Variants in SLC26A11 observed in about 807,000 individuals in gnomAD.
The protein encoded by SLC26A11 is sodium-independent sulfate anion transporter.
In SLC26A11, 58 loss-of-function variants were observed where a neutral mutation model predicts 62.2. That is an observed-to-expected ratio of 0.93 (90% CI 0.76 to 1.16). The LOEUF (loss-of-function observed/expected upper bound fraction) is 1.16, where lower values mean the gene tolerates loss of function less well. Among genes scored for constraint, SLC26A11 ranks in the 50% most tolerant of loss-of-function variants. The pLI is 0.00. For missense variants in SLC26A11, 790 were observed against 794.3 expected (o/e 0.99, Z 0.06); for synonymous variants, 411 against 368.9 (o/e 1.11, Z -1.31).
Position 80,227,864 on chromosome 17 carries a change from G to C in SLC26A11, c.640G>C (p.Val214Leu), listed in dbSNP as rs1485992368. 1 of 1,603,120 alleles carries C rather than the reference G, an allele frequency of 6.2e-7. No homozygotes were observed. The highest frequency in any genetic ancestry group is 1.3e-5 in the African/African-American group (1 of 75,024). Reference protein sequence around the residue: ...LGLVCMLLLLVLKLMRDHVPP... With the variant: ...LGLVCMLLLLLLKLMRDHVPP... ...GCTGGTCTGCATGCTGCTGCTGCTG[G>C]TGCTGAAGCTGATGCGGGACCACGT... Residue 214 changes from valine (V) to leucine (L), a missense_variant, in exon 7 of 18, where the codon GTG (valine) becomes CTG (leucine). Physicochemically the swap from Val to Leu is conservative, Grantham distance 32. Coordinates refer to ENST00000361193, the MANE Select transcript of SLC26A11 (RefSeq NM_001166347.2).
chr17:80,240,298 C>T (rs1028269726), intron 9 of SLC26A11, among the ~76,000 whole-genome samples: 119 of 152,054 alleles, frequency 7.8e-4, no homozygotes, highest in African/African-American at 2.7e-3. Flanking sequence ...ACCCGGGAGG[C>T]GGAGCTTGCA....
intron 10 of SLC26A11, among the ~76,000 whole-genome samples, chr17:80,242,533 C>T (rs1235613863): frequency 6.6e-6 from 1 of 152,184 alleles, no homozygotes; most frequent in Admixed American, 6.5e-5. Context: ...TCTGATTGTG[C>T]CCGCACCCTG....
At chr17:80,242,475 C>T (rs977698509) in intron 10 of SLC26A11, among the ~76,000 whole-genome samples, 5 of 152,046 alleles carry the variant, frequency 3.3e-5, no homozygotes, top group East Asian at 1.9e-4. Context: ...CACCTAGTGC[C>T]GGGGGTCAAG....
Position 80,241,829 on chromosome 17 carries a change from C to G in SLC26A11, c.1036+8C>G. On this transcript the variant is annotated splice_region_variant and intron_variant, in intron 10 of 17. Coordinates refer to ENST00000361193, the MANE Select transcript of SLC26A11 (RefSeq NM_001166347.2). The stretch of plus-strand genomic sequence containing the variant: ...AGGAGCTGCTGGCCATCGGTAAGAC[C>G]CCAGCCGCGGGAAGGAAGACACCAG... 6.2e-7 allele frequency: 1 copy of G among 1,614,172 alleles called. No individual in the cohort carries two copies. Among genetic ancestry groups the G allele is most frequent in the South Asian group, 1.1e-5 (1 of 91,086 alleles).
chr17:80,222,849 T>C lies in SLC26A11; in HGVS notation c.427+2T>C, dbSNP rs749597295. 5.6e-6 allele frequency: 9 copies of C among 1,613,550 alleles called. No individual in the cohort carries two copies. In the Admixed American group the frequency reaches 1.5e-4, roughly 27 times the overall value. Reference sequence around the variant, plus strand: ...TGGCCATGGGGGTCCTGCGTTTGGGTGAGGCTCTACCTTCTTGCCAAGGGG... The same window carrying C: ...TGGCCATGGGGGTCCTGCGTTTGGGCGAGGCTCTACCTTCTTGCCAAGGGG... On this transcript the variant is annotated splice_donor_variant, in intron 4 of 17. Coordinates refer to ENST00000361193, the MANE Select transcript of SLC26A11 (RefSeq NM_001166347.2). LOFTEE classifies it high-confidence loss of function. The surrounding 1 kb of genome is among the most constrained non-coding windows in gnomAD (Gnocchi z 4.7).
In SLC26A11 at chr17:80,248,651, A is replaced by AGATC; in HGVS notation, c.1500_1503dup (p.Leu502AspfsTer63). ...CCTGCCATGGAGGCTCTGCGGGAGG[A>AGATC]GATCCTAAGCCGGGCCCTGGAAGGT... On this transcript the variant is annotated frameshift_variant, in exon 15 of 18. Coordinates refer to ENST00000361193, the MANE Select transcript of SLC26A11 (RefSeq NM_001166347.2). LOFTEE classifies it high-confidence loss of function. 2 of 1,578,628 alleles carry AGATC rather than the reference A, an allele frequency of 1.3e-6. No homozygotes were observed. Among genetic ancestry groups the AGATC allele is most frequent in the Non-Finnish European group, 1.7e-6 (2 of 1,162,296 alleles).
chr17:80,241,291 ACT>A lies in SLC26A11; in HGVS notation c.986-477_986-476del, dbSNP rs1300132850. Among the ~76,000 whole-genome samples, 5 of 152,218 alleles carry A rather than the reference ACT, an allele frequency of 3.3e-5. No homozygotes were observed. The East Asian group carries it at 5.8e-4, about 18-fold the overall frequency. On this transcript the variant is annotated intron_variant, in intron 9 of 17. Transcript: ENST00000361193. ...TTGTTGTTGTTTGAGACAGGGTCTC[ACT>A]CTGTCGCCCAGACTGGAGTGCGGTG...
At chr17:80,227,736 A>AG in intron 6 of SLC26A11, 82 bp from the exon 7 acceptor site, 1 of 1,532,652 alleles carries the variant, frequency 6.5e-7, no homozygotes, top group Non-Finnish European at 8.8e-7. Flanking sequence ...AGTGCCTCTC[A>AG]GCTTAAGCAG....
intron 15 of SLC26A11, 69 bp from the exon 16 acceptor site, chr17:80,249,085 C>G: frequency 6.4e-7 from 1 of 1,550,506 alleles, no homozygotes; most frequent in Non-Finnish European, 8.7e-7. Context: ...CCAGAGCCTC[C>G]TTTGGCCTCT....
rs1321254379 is a variant in SLC26A11, at chr17:80,248,590, G to C, written c.1438G>C (p.Val480Leu). The C allele has an allele frequency of 1.3e-6, 2 of 1,585,138 alleles. No homozygotes were observed. The highest frequency in any genetic ancestry group is 1.7e-6 in the Non-Finnish European group (2 of 1,166,104). The change falls in exon 15 of 18, where the codon GTT becomes CTT. Residue 480 changes from valine to leucine, a missense_variant. Coordinates refer to ENST00000361193, the MANE Select transcript of SLC26A11 (RefSeq NM_001166347.2). Reference protein sequence around the residue: ...RPETKVSEGPVLVLQPASGLS... With the variant: ...RPETKVSEGPLLVLQPASGLS... ...CTCCCCACAGGTGTCAGAGGGGCCG[G>C]TTCTGGTCCTGCAGCCGGCCAGCGG...
intron 7 of SLC26A11, among the ~76,000 whole-genome samples, chr17:80,229,782 G>A (rs533588929): frequency 9.2e-5 from 14 of 152,300 alleles, no homozygotes; most frequent in African/African-American, 3.1e-4. Flanking sequence ...GGGACCAGCA[G>A]CCTGGGCACT....
Position 80,238,818 on chromosome 17 carries a change from TTG to T in SLC26A11, c.985+1226_985+1227del, listed in dbSNP as rs1324341727. ...CTTACCCCCTTCAAAGGAGTTTTTT[TTG>T]TTTTTTGTTTTTTTTTTTTTTTGGA... On this transcript the variant is annotated intron_variant, in intron 9 of 17. Coordinates refer to ENST00000361193, the MANE Select transcript of SLC26A11 (RefSeq NM_001166347.2). 2.8e-5 allele frequency among the ~76,000 whole-genome samples: 4 copies of T among 140,844 alleles called. 1 individual carries two copies. Among genetic ancestry groups the T allele is most frequent in the Admixed American group, 1.4e-4 (2 of 14,674 alleles). 92.4% of individuals were successfully genotyped at this position (140,844 alleles called of 152,430 possible).
At chr17:80,249,486 C>T (rs970402184) in intron 16 of SLC26A11, among the ~76,000 whole-genome samples, 199 bp downstream of exon 16, 1 of 152,246 alleles carries the variant, frequency 6.6e-6, no homozygotes, top group South Asian at 2.1e-4. Flanking sequence ...GGAGCGGTGG[C>T]CCCCAGCCCT....
In SLC26A11 at chr17:80,222,900, G is replaced by GTTTGCA. The variant is rs978327714; in HGVS notation, c.427+57_427+62dup. On this transcript the variant is annotated intron_variant, in intron 4 of 17. Coordinates refer to ENST00000361193, the MANE Select transcript of SLC26A11 (RefSeq NM_001166347.2). The surrounding 1 kb of genome is among the most constrained non-coding windows in gnomAD (Gnocchi z 4.7). ...ATGCCCTCGACCTCAGCATTTGCTT[G>GTTTGCA]TTTGCATTTCAAGTCTATCCCCGTG... 17 of 1,555,092 alleles carry GTTTGCA rather than the reference G, an allele frequency of 1.1e-5. 1 individual carries two copies. The highest frequency in any genetic ancestry group is 5.2e-6 in the Non-Finnish European group (6 of 1,144,092).
In SLC26A11 at chr17:80,248,198, G is replaced by T; in HGVS notation, c.1363G>T (p.Ala455Ser). The T allele has an allele frequency of 6.2e-7, 1 of 1,609,416 alleles. No homozygotes were observed. ...CFWEVQYGIL[A>S]GALVSLLMLL... ...CTGGGAGGTGCAGTACGGCATCCTG[G>T]CCGGGGCCCTGGTGTCTCTGCTCAT... is the stretch of plus-strand genomic sequence containing the variant. The change falls in exon 14 of 18, where the codon GCC (alanine) becomes TCC (serine). Residue 455 changes from alanine (A) to serine (S), a missense_variant. Physicochemically the swap from Ala to Ser is moderately conservative, Grantham distance 99. Transcript: ENST00000361193.
rs144250546 is a variant in SLC26A11 at position 80,251,988 on chromosome 17, C to T, written c.1729+587C>T. 3.7e-3 allele frequency among the ~76,000 whole-genome samples: 557 copies of T among 152,158 alleles called. 3 individuals carry two copies. Among genetic ancestry groups the T allele is most frequent in the Middle Eastern group, 6.8e-3 (2 of 294 alleles). On this transcript the variant is annotated intron_variant, in intron 17 of 17. Transcript: ENST00000361193. Reference sequence around the variant, plus strand: ...TCCTTCCAGCCGAAAGTCCACATCCCGGGGGATCAGGACAGAGCAGGGCCG... The same window carrying T: ...TCCTTCCAGCCGAAAGTCCACATCCTGGGGGATCAGGACAGAGCAGGGCCG...
chr17:80,223,356 C>T lies in SLC26A11; in HGVS notation c.513+19C>T. On this transcript the variant is annotated intron_variant, in intron 5 of 17. Transcript: ENST00000361193. This position sits in a 1 kb window ranked among gnomAD's most constrained non-coding sequence, Gnocchi z 4.6. Reference sequence around the variant, plus strand: ...GATCAAGGTAGGCACGGCGCCCACCCAGGGCACTGCTCTTTGGCCACTGCT... The same window carrying T: ...GATCAAGGTAGGCACGGCGCCCACCTAGGGCACTGCTCTTTGGCCACTGCT... 6.2e-7 allele frequency: 1 copy of T among 1,611,842 alleles called. No homozygotes were observed. Among genetic ancestry groups the T allele is most frequent in the Non-Finnish European group, 8.5e-7 (1 of 1,178,576 alleles).
intron 5 of SLC26A11, among the ~76,000 whole-genome samples, chr17:80,224,952 C>T (rs1005336666): frequency 3.3e-5 from 5 of 152,130 alleles, no homozygotes; most frequent in Admixed American, 1.3e-4. Context: ...CCACCCTGTG[C>T]GCAGCAGTTT....
At chr17:80,224,200 TGA>T (rs10577282) in intron 5 of SLC26A11, among the ~76,000 whole-genome samples, 48,666 of 149,494 alleles carry the variant, frequency 0.33, 8,592 homozygotes, top group Admixed American at 0.48. Flanking sequence ...TGAGTGTGTG[TGA>T]GTGTGTGAAT....
Sources: gnomAD v4.1 joint callset for allele counts (sites outside exome capture counted in the v4.1 genomes callset) on GRCh38, gnomAD v4.1.1 for gene constraint, Gnocchi (gnomAD v3.1) non-coding constraint, MANE v1.5 for transcripts, NCBI Gene and HGNC (gene_info 2026-07-23, HGNC 2026-07-21) for gene names.